EFCAB6: variants seen among roughly 807,000 people sequenced by gnomAD.
The protein encoded by EFCAB6 is EF-hand calcium binding domain 6, also known as EF-hand calcium-binding domain-containing protein 6.
In EFCAB6, 156 loss-of-function variants were observed where a neutral mutation model predicts 169.8. The ratio of observed to expected loss-of-function variants is 0.92; its 90% confidence interval spans 0.81 to 1.05. EFCAB6 has a LOEUF of 1.05. EFCAB6 is among the 50% of genes least tolerant of loss of function. The pLI is 0.00. For synonymous variants in EFCAB6, 698 were observed against 676.4 expected (o/e 1.03, Z -0.50); for missense variants, 1,800 against 1,829.1 (o/e 0.98, Z 0.29).
At chr22:43,619,042 C>A (rs910190624) in intron 20 of EFCAB6, among the ~76,000 whole-genome samples, 2 of 151,990 alleles carry the variant, frequency 1.3e-5, no homozygotes, top group Non-Finnish European at 2.9e-5. Context: ...TTGGGGGCTA[C>A]AGAGTGTGGG....
rs568192469 is a variant in EFCAB6, at chr22:43,711,559, T to C, written c.947A>G (p.Tyr316Cys). The C allele has an allele frequency of 3.4e-5, 54 of 1,605,060 alleles. No individual in the cohort carries two copies. The South Asian group carries it at 5.2e-4, about 15-fold the overall frequency. Residue 316 changes from tyrosine (Y) to cysteine (C), a missense_variant, in exon 10 of 32, where the codon TAC becomes TGC. Tyr to Cys is a radical substitution (Grantham distance 194). Transcript: ENST00000262726. Reference protein sequence around the residue: ...LSAGDPCKGGYVSFNYLKIVL... With the variant: ...LSAGDPCKGGCVSFNYLKIVL... ...AATCTTTAGATAATTAAAAGACACG[T>C]AGCCACCTTTACAGGGGTCCCCTGC...
intron 22 of EFCAB6, among the ~76,000 whole-genome samples, chr22:43,604,722 A>ATGC (rs1243179541): frequency 2.0e-5 from 3 of 151,836 alleles, no homozygotes; most frequent in Non-Finnish European, 4.4e-5. Context: ...TCCACACGAG[A>ATGC]TGCTGTACAT....
chr22:43,587,397 G>C (rs1442698798), intron 24 of EFCAB6, among the ~76,000 whole-genome samples: 1 of 152,228 alleles, frequency 6.6e-6, no homozygotes, highest in Non-Finnish European at 1.5e-5. Flanking sequence ...AACACACATT[G>C]ATTCTCTTAC....
chr22:43,617,090 C>T lies in EFCAB6; in HGVS notation c.2466-1168G>A, dbSNP rs554669964. 3.9e-5 allele frequency among the ~76,000 whole-genome samples: 6 copies of T among 152,288 alleles called. No homozygotes were observed. The South Asian group carries it at 8.3e-4, about 21-fold the overall frequency. ...GTGCCATCTTTCTCCAACTGCCTACCGGACTCTGCAGAATCATGGAATTTC... is the reference window on the plus strand; with the variant it reads ...GTGCCATCTTTCTCCAACTGCCTACTGGACTCTGCAGAATCATGGAATTTC... On this transcript the variant is annotated intron_variant, in intron 20 of 31. Transcript: ENST00000262726.
intron 20 of EFCAB6, among the ~76,000 whole-genome samples, chr22:43,617,206 A>G (rs1300493062): frequency 6.6e-6 from 1 of 152,206 alleles, no homozygotes; most frequent in African/African-American, 2.4e-5. Flanking sequence ...ATTACGTTGC[A>G]TTTTTACAAT....
chr22:43,608,099 T>G (rs930962754), intron 22 of EFCAB6, among the ~76,000 whole-genome samples: 1 of 152,190 alleles, frequency 6.6e-6, no homozygotes, highest in African/African-American at 2.4e-5. Context: ...GAGAAACTCC[T>G]TTTCCCTTTA....
intron 4 of EFCAB6, among the ~76,000 whole-genome samples, chr22:43,770,933 AAAAAAG>A: frequency 6.6e-6 from 1 of 152,300 alleles, no homozygotes; most frequent in South Asian, 2.1e-4. Context: ...AGTCAGAAAA[AAAAAAG>A]AGAGAGAGAG....
At chr22:43,647,401 A>G (rs2148025993) in intron 17 of EFCAB6, among the ~76,000 whole-genome samples, 1 of 152,328 alleles carries the variant, frequency 6.6e-6, no homozygotes. Context: ...CGGATAAATT[A>G]TTAATTAATT....
chr22:43,543,422 G>A (rs908100702), intron 27 of EFCAB6, among the ~76,000 whole-genome samples: 1 of 152,222 alleles, frequency 6.6e-6, no homozygotes, highest in Non-Finnish European at 1.5e-5. Flanking sequence ...TGTGCACGGG[G>A]CCACTTCTCC....
At chr22:43,752,360 C>T (rs1458133802) in intron 6 of EFCAB6, among the ~76,000 whole-genome samples, 6 of 152,160 alleles carry the variant, frequency 3.9e-5, no homozygotes, top group Non-Finnish European at 7.3e-5. Flanking sequence ...TCAGGTGATT[C>T]GCCTGCCTCG....
intron 18 of EFCAB6, among the ~76,000 whole-genome samples, chr22:43,632,689 C>T (rs2055070123): frequency 6.6e-6 from 1 of 152,154 alleles, no homozygotes; most frequent in African/African-American, 2.4e-5. Context: ...GAGTTGAACA[C>T]AGCATTGATT....
chr22:43,769,140 C>T (rs554962957), intron 4 of EFCAB6, among the ~76,000 whole-genome samples: 1 of 152,300 alleles, frequency 6.6e-6, no homozygotes, highest in African/African-American at 2.4e-5. Context: ...GTGGTCTATC[C>T]ATACAATGGA....
At chr22:43,721,340 C>T (rs988615934) in intron 8 of EFCAB6, among the ~76,000 whole-genome samples, 1 of 152,142 alleles carries the variant, frequency 6.6e-6, no homozygotes, top group South Asian at 2.1e-4. Flanking sequence ...TCCAATCTAG[C>T]TATCAATGTC....
chr22:43,608,393 C>A, intron 22 of EFCAB6, 89 bp downstream of exon 22: 1 of 1,120,714 alleles, frequency 8.9e-7, no homozygotes, highest in South Asian at 1.4e-5. Flanking sequence ...CCCAGTTACC[C>A]TGATGTAGGA....
chr22:43,756,122 C>G (rs1012654515), intron 5 of EFCAB6, among the ~76,000 whole-genome samples: 1 of 151,968 alleles, frequency 6.6e-6, no homozygotes, highest in Non-Finnish European at 1.5e-5. Context: ...GTGTCCCAAG[C>G]CTTCACAAGC....
At chr22:43,791,097 G>A (rs1194641711) in intron 2 of EFCAB6, among the ~76,000 whole-genome samples, 3 of 152,158 alleles carry the variant, frequency 2.0e-5, no homozygotes, top group African/African-American at 7.2e-5. Flanking sequence ...GACAGATTGG[G>A]GCTGAAGATA....
chr22:43,631,014 C>T (rs1033508092), intron 19 of EFCAB6, among the ~76,000 whole-genome samples: 4 of 152,018 alleles, frequency 2.6e-5, no homozygotes, highest in Non-Finnish European at 5.9e-5. Flanking sequence ...CATGTGGAAA[C>T]GGGAGCCTGG....
rs1173157549 is a variant in EFCAB6 at position 43,744,845 on chromosome 22, G to A, written c.508-8852C>T. ...GGAGAGAGGAAGCAGAAAGAAGGAG[G>A]GAGGTACAGCCAGTGAGCAGGCCCT... On this transcript the variant is annotated intron_variant, in intron 6 of 31. Transcript: ENST00000262726. This position sits in a 1 kb window ranked among gnomAD's most constrained non-coding sequence, Gnocchi z 4.3. Among the ~76,000 whole-genome samples the A allele has an allele frequency of 6.6e-6, 1 of 152,142 alleles. No individual in the cohort carries two copies. Among genetic ancestry groups the A allele is most frequent in the Non-Finnish European group, 1.5e-5 (1 of 68,014 alleles).
chr22:43,757,482 G>A (rs58652929), intron 5 of EFCAB6, among the ~76,000 whole-genome samples: 12,470 of 151,594 alleles, frequency 0.082, 660 homozygotes, highest in South Asian at 0.2. Context: ...GGGAGGCAGA[G>A]GTTGCGGTGA....
Sources: gnomAD v4.1 joint callset for allele counts (sites outside exome capture counted in the v4.1 genomes callset) on GRCh38, gnomAD v4.1.1 for gene constraint, Gnocchi (gnomAD v3.1) non-coding constraint, MANE v1.5 for transcripts, NCBI Gene and HGNC (gene_info 2026-07-23, HGNC 2026-07-21) for gene names.